ZFAT: variants seen among roughly 807,000 people sequenced by gnomAD.
ZFAT encodes the protein zinc finger protein ZFAT.
Under a neutral mutation model 117.7 loss-of-function variants are expected in ZFAT, and 64 were observed. That is an observed-to-expected ratio of 0.54 (90% CI 0.44 to 0.67). ZFAT has a LOEUF of 0.67. ZFAT is among the 30% of genes least tolerant of loss of function. The pLI is 0.00. For synonymous variants in ZFAT, 679 were observed against 615.0 expected (o/e 1.10, Z -1.54); for missense variants, 1,433 against 1,584.5 (o/e 0.90, Z 1.62).
chr8:134,670,620 T>C (rs1231669335), intron 1 of ZFAT, among the ~76,000 whole-genome samples: 8 of 152,252 alleles, frequency 5.3e-5, no homozygotes, highest in Admixed American at 3.3e-4. Flanking sequence ...CAGGGAAATT[T>C]ATAGCACTAA....
the ZFAT span, chr8:134,797,402 A>G: frequency 6.6e-6 from 1 of 152,126 alleles, no homozygotes; most frequent in Non-Finnish European, 1.5e-5. Flanking sequence ...AGGGAATTTG[A>G]GCTCTTACAA....
intron 15 of ZFAT, among the ~76,000 whole-genome samples, chr8:134,498,009 C>T (rs1443798845): frequency 2.2e-3 from 304 of 141,184 alleles, no homozygotes; most frequent in African/African-American, 8.1e-3. Flanking sequence ...ACACACAGGG[C>T]CTGATTTGGT....
intron 11 of ZFAT, among the ~76,000 whole-genome samples, chr8:134,542,766 CA>C (rs1378306411): frequency 6.6e-6 from 1 of 152,002 alleles, no homozygotes; most frequent in Non-Finnish European, 1.5e-5. Flanking sequence ...GAAGTGAGGG[CA>C]GGGGGGCAGG....
chr8:134,572,073 G>A (rs6998749), intron 10 of ZFAT, among the ~76,000 whole-genome samples: 34,724 of 152,060 alleles, frequency 0.23, 4,565 homozygotes, highest in East Asian at 0.52. Flanking sequence ...CACATTGTCC[G>A]AAAATAAGGG....
intron 13 of ZFAT, among the ~76,000 whole-genome samples, 152 bp downstream of exon 13, chr8:134,520,731 C>A (rs570027640): frequency 1.3e-5 from 2 of 152,130 alleles, no homozygotes; most frequent in East Asian, 3.8e-4. Flanking sequence ...ACCCCTCAGA[C>A]GCGAGACATC....
intron 10 of ZFAT, among the ~76,000 whole-genome samples, chr8:134,575,421 T>A (rs748343533): frequency 2.6e-5 from 4 of 152,120 alleles, no homozygotes; most frequent in South Asian, 2.1e-4. Context: ...ACTGCTGGCT[T>A]TGAATGTGAA....
At chr8:134,509,919 C>G in intron 14 of ZFAT, 170 bp from the exon 15 acceptor site, 1 of 780,926 alleles carries the variant, frequency 1.3e-6, no homozygotes, top group Non-Finnish European at 2.0e-6. Context: ...TGCTTTATAG[C>G]TTACAAAGCA....
intron 15 of ZFAT, among the ~76,000 whole-genome samples, chr8:134,499,205 T>C (rs1235208020): frequency 2.4e-5 from 3 of 125,768 alleles, no homozygotes; most frequent in Non-Finnish European, 5.0e-5. Context: ...TTTGGGAGGG[T>C]TGGGGTGGAG....
chr8:134,734,209 C>T, the ZFAT span, among the ~76,000 whole-genome samples: 1 of 152,250 alleles, frequency 6.6e-6, no homozygotes, highest in Admixed American at 6.5e-5. Context: ...ACTCCCACCA[C>T]CACTTCAGGA....
intron 14 of ZFAT, 98 bp downstream of exon 14, chr8:134,512,377 A>T: frequency 6.6e-7 from 1 of 1,510,928 alleles, no homozygotes; most frequent in East Asian, 2.3e-5. Flanking sequence ...ATTCGGAAGT[A>T]GATCACCTGA....
chr8:134,509,494 A>C, intron 15 of ZFAT, 125 bp downstream of exon 15: 1 of 1,361,586 alleles, frequency 7.3e-7, no homozygotes, highest in Non-Finnish European at 1.0e-6. Context: ...AAAAGGTATG[A>C]GACTAGACCA....
chr8:134,782,680 G>A, the ZFAT span, among the ~76,000 whole-genome samples: 33 of 152,154 alleles, frequency 2.2e-4, no homozygotes, highest in East Asian at 6.2e-3. Flanking sequence ...CCCTTTGCTT[G>A]ATTTTCATTC....
At chr8:134,653,429 T>G (rs1324784703) in intron 2 of ZFAT, among the ~76,000 whole-genome samples, 1 of 138,454 alleles carries the variant, frequency 7.2e-6, no homozygotes, top group Non-Finnish European at 1.6e-5. Flanking sequence ...GTTTTTTTTT[T>G]TTTTTTTTTT....
At chr8:134,526,872 T>C (rs917177019) in intron 12 of ZFAT, among the ~76,000 whole-genome samples, 2 of 152,008 alleles carry the variant, frequency 1.3e-5, no homozygotes, top group African/African-American at 4.8e-5. Context: ...GATGAGCCAC[T>C]GCAATAAAGT....
intron 1 of ZFAT, among the ~76,000 whole-genome samples, chr8:134,688,774 G>A (rs1220837758): frequency 2.6e-5 from 4 of 152,054 alleles, no homozygotes; most frequent in South Asian, 2.1e-4. Context: ...CTATCCCATC[G>A]CATCCTCAAC....
chr8:134,769,741 C>T, the ZFAT span, among the ~76,000 whole-genome samples: 1 of 152,194 alleles, frequency 6.6e-6, no homozygotes, highest in Admixed American at 6.5e-5. Flanking sequence ...GCCACGCCTC[C>T]CCCCATCCCC....
intron 10 of ZFAT, among the ~76,000 whole-genome samples, chr8:134,577,051 A>G (rs1219642721): frequency 6.6e-6 from 1 of 152,234 alleles, no homozygotes; most frequent in Non-Finnish European, 1.5e-5. Flanking sequence ...GGTGGGCAGA[A>G]TCGTGTATAA....
chr8:134,797,922 AT>A, the ZFAT span: 1 of 151,930 alleles, frequency 6.6e-6, no homozygotes, highest in African/African-American at 2.4e-5. Flanking sequence ...GTCATTATCA[AT>A]GAAGAGGTTA....
chr8:134,576,437 C>G (rs1825304334), intron 10 of ZFAT, among the ~76,000 whole-genome samples: 1 of 152,148 alleles, frequency 6.6e-6, no homozygotes, highest in African/African-American at 2.4e-5. Context: ...AGTAGCCACA[C>G]TTCCACACCT....
Sources: allele counts gnomAD v4.1 joint callset (sites outside exome capture counted in the v4.1 genomes callset), GRCh38; gene constraint gnomAD v4.1.1; transcripts MANE v1.5; gene names NCBI Gene and HGNC (gene_info 2026-07-23, HGNC 2026-07-21).